Variants in CABIN1 observed in about 807,000 individuals in gnomAD.
CABIN1 encodes the protein calcineurin-binding protein cabin-1.
In CABIN1, 133 loss-of-function variants were observed where a neutral mutation model predicts 227.7. The ratio of observed to expected loss-of-function variants is 0.58; its 90% CI spans 0.51 to 0.67. CABIN1 has a LOEUF of 0.67. CABIN1 is among the 30% of genes least tolerant of loss of function. The probability of loss-of-function intolerance (pLI) is 0.00; values close to 1 mark genes in which losing one functional copy is unlikely to be tolerated. For synonymous variants in CABIN1, 1,086 were observed against 1,155.1 expected (o/e 0.94, Z 1.21); for missense variants, 2,408 against 2,852.5 (o/e 0.84, Z 3.55).
intron 34 of CABIN1, among the ~76,000 whole-genome samples, chr22:24,172,588 G>A (rs2046880712): frequency 6.6e-6 from 1 of 152,208 alleles, no homozygotes; most frequent in Admixed American, 6.5e-5. Context: ...AAACAGAGAG[G>A]ACAAAGGTGC....
chr22:24,021,557 C>T (rs2035730035), intron 1 of CABIN1, among the ~76,000 whole-genome samples: 1 of 152,080 alleles, frequency 6.6e-6, no homozygotes, highest in African/African-American at 2.4e-5. Context: ...GCCTTAGCCT[C>T]CTGAGTAGGT....
chr22:24,144,230 C>T (rs2044966403), intron 29 of CABIN1, among the ~76,000 whole-genome samples: 1 of 152,246 alleles, frequency 6.6e-6, no homozygotes, highest in Non-Finnish European at 1.5e-5. Flanking sequence ...CATCTAAGCT[C>T]TCTGTTCCAG....
intron 27 of CABIN1, among the ~76,000 whole-genome samples, chr22:24,116,064 CT>C (rs2043067298): frequency 6.6e-6 from 1 of 152,214 alleles, no homozygotes; most frequent in Admixed American, 6.5e-5. Flanking sequence ...AGCCTCCTTC[CT>C]TTAATTCTCC....
At chr22:24,023,348 G>A (rs1183110385) in intron 1 of CABIN1, among the ~76,000 whole-genome samples, 2 of 152,206 alleles carry the variant, frequency 1.3e-5, no homozygotes, top group Non-Finnish European at 2.9e-5. Context: ...ATGCTGCAGT[G>A]AACATGGGTG....
Position 24,177,881 on chromosome 22 carries a change from A to G in CABIN1, c.6519+64A>G, listed in dbSNP as rs1470834841. ...GAGGCATAGGTTACAAAGGGGGCCT[A>G]GGATGGGGGTGGGGGTGGCAGGAGG... On this transcript the variant is annotated intron_variant, in intron 36 of 36. Coordinates refer to ENST00000263119, the MANE Select transcript of CABIN1 (RefSeq NM_012295.4). This position sits in a 1 kb window ranked among gnomAD's most constrained non-coding sequence, Gnocchi z 4.4. 2 of 1,028,532 alleles carry G rather than the reference A, an allele frequency of 1.9e-6. No individual in the cohort carries two copies. The highest frequency in any genetic ancestry group is 1.9e-5 in the African/African-American group (1 of 53,906). 63.7% of individuals were successfully genotyped at this position (1,028,532 alleles called of 1,614,324 possible).
chr22:24,041,379 T>A, intron 5 of CABIN1, 106 bp downstream of exon 5: 1 of 1,413,430 alleles, frequency 7.1e-7, no homozygotes, highest in Non-Finnish European at 9.9e-7. Flanking sequence ...TAGTGGTGGA[T>A]CACCAAGCTA....
intron 23 of CABIN1, among the ~76,000 whole-genome samples, chr22:24,089,810 A>G (rs556870592): frequency 1.1e-4 from 17 of 152,194 alleles, no homozygotes; most frequent in Non-Finnish European, 2.2e-4. Context: ...TGCTTTCCCC[A>G]TGATGTCAGT....
chr22:24,034,455 TAATA>T (rs1431092632), intron 1 of CABIN1, among the ~76,000 whole-genome samples: 4 of 152,240 alleles, frequency 2.6e-5, no homozygotes, highest in Admixed American at 2.6e-4. Context: ...TATGATTGAA[TAATA>T]AATACCCCTT....
At chr22:24,106,801 T>G (rs1207596465) in intron 26 of CABIN1, among the ~76,000 whole-genome samples, 1 of 152,232 alleles carries the variant, frequency 6.6e-6, no homozygotes, top group Non-Finnish European at 1.5e-5. Context: ...ATAGAGCCAT[T>G]CTTTAAGAGC....
intron 14 of CABIN1, 140 bp downstream of exon 14, chr22:24,063,286 C>T: frequency 1.2e-6 from 1 of 848,970 alleles, no homozygotes. Flanking sequence ...ATAGCACCTG[C>T]CCGGGCACTG....
At chr22:24,036,251 C>A in intron 3 of CABIN1, 70 bp downstream of exon 3, 1 of 1,095,694 alleles carries the variant, frequency 9.1e-7, no homozygotes, top group East Asian at 2.4e-5. Context: ...ATTTTAAATA[C>A]ATTTAGGCAT....
chr22:24,084,930 A>C lies in CABIN1; in HGVS notation c.3118-76A>C, dbSNP rs146955260. ...AGGCTGGAGAGTCTGTCCTGTGACT[A>C]AACAGTCCTGGGTTTACTGGTCACA... On this transcript the variant is annotated intron_variant, in intron 21 of 36. Coordinates refer to ENST00000263119, the MANE Select transcript of CABIN1 (RefSeq NM_012295.4). The C allele has an allele frequency of 1.2e-4, 198 of 1,593,804 alleles. 2 individuals carry two copies. The African/African-American group carries it at 2.3e-3, about 18-fold the overall frequency.
intron 24 of CABIN1, among the ~76,000 whole-genome samples, chr22:24,095,712 G>A (rs554640543): frequency 2.0e-5 from 3 of 152,222 alleles, no homozygotes; most frequent in Non-Finnish European, 2.9e-5. Flanking sequence ...GAGTTACTGC[G>A]TGAACGTTTA....
At chr22:24,029,526 C>T (rs1350823783) in intron 1 of CABIN1, among the ~76,000 whole-genome samples, 1 of 151,906 alleles carries the variant, frequency 6.6e-6, no homozygotes, top group African/African-American at 2.4e-5. Context: ...CACTGCACTC[C>T]AGCCTGGGCA....
At chr22:24,134,785 A>C (rs2044289576) in intron 29 of CABIN1, among the ~76,000 whole-genome samples, 1 of 152,246 alleles carries the variant, frequency 6.6e-6, no homozygotes, top group Admixed American at 6.5e-5. Flanking sequence ...ACTGCTTAAA[A>C]AACAAGTGTG....
intron 12 of CABIN1, among the ~76,000 whole-genome samples, chr22:24,060,602 G>A (rs979548185): frequency 6.6e-6 from 1 of 152,130 alleles, no homozygotes; most frequent in African/African-American, 2.4e-5. Context: ...GGCAAGGACT[G>A]TGACTGAGGC....
intron 30 of CABIN1, 152 bp from the exon 31 acceptor site, chr22:24,165,378 C>A: frequency 1.3e-6 from 1 of 750,730 alleles, no homozygotes; most frequent in Non-Finnish European, 2.3e-6. Flanking sequence ...GGGGAAGCTT[C>A]TAGGGGAGCA....
At chr22:24,034,950 A>T (rs2036759233) in intron 1 of CABIN1, among the ~76,000 whole-genome samples, 1 of 151,982 alleles carries the variant, frequency 6.6e-6, no homozygotes, top group Non-Finnish European at 1.5e-5. Context: ...CTCCATTCAC[A>T]TCCCTGCTCT....
chr22:24,085,400 G>A (rs1338578842), intron 22 of CABIN1, among the ~76,000 whole-genome samples: 1 of 152,232 alleles, frequency 6.6e-6, no homozygotes, highest in African/African-American at 2.4e-5. Flanking sequence ...AGGGTTATTA[G>A]AGAAGGTACG....
Sources: allele counts gnomAD v4.1 joint callset (sites outside exome capture counted in the v4.1 genomes callset), GRCh38; gene constraint gnomAD v4.1.1; non-coding constraint Gnocchi (gnomAD v3.1); transcripts MANE v1.5; gene names NCBI Gene and HGNC (gene_info 2026-07-23, HGNC 2026-07-21).